RIN3: variants seen among roughly 807,000 people sequenced by gnomAD.
RIN3 encodes the protein Ras and Rab interactor 3, also known as RAB5 interacting protein 3.
Under a neutral mutation model 76.3 loss-of-function variants are expected in RIN3, and 54 were observed. The ratio of observed to expected loss-of-function variants is 0.71; its 90% CI spans 0.57 to 0.89. The LOEUF (loss-of-function observed/expected upper bound fraction) is 0.89, where lower values mean the gene tolerates loss of function less well. RIN3 is among the 40% of genes least tolerant of loss of function. The pLI, the probability that RIN3 is intolerant of heterozygous loss-of-function variation, is 0.00. For synonymous variants in RIN3, 576 were observed against 564.0 expected (o/e 1.02, Z -0.30); for missense variants, 1,256 against 1,322.1 (o/e 0.95, Z 0.78).
intron 2 of RIN3, chr14:92,576,156 A>G: frequency 8.7e-7 from 1 of 1,155,964 alleles, no homozygotes; most frequent in Non-Finnish European, 1.1e-6. Context: ...GCTGTGCCAC[A>G]GGAGGCTGGG....
intron 1 of RIN3, among the ~76,000 whole-genome samples, chr14:92,536,277 G>A (rs545155428): frequency 2.6e-5 from 4 of 152,250 alleles, no homozygotes; most frequent in East Asian, 3.9e-4. Flanking sequence ...GCTGTAGACC[G>A]TTTGTGTAGA....
At chr14:92,537,733 C>G (rs547884297) in intron 1 of RIN3, among the ~76,000 whole-genome samples, 3 of 150,514 alleles carry the variant, frequency 2.0e-5, no homozygotes, top group African/African-American at 4.9e-5. Context: ...CAGCCTCTGC[C>G]CCCCCGCCAC....
intron 6 of RIN3, 139 bp from the exon 7 acceptor site, chr14:92,659,022 C>A: frequency 1.3e-6 from 1 of 785,282 alleles, no homozygotes; most frequent in Non-Finnish European, 2.1e-6. Context: ...GTGTCAGAAC[C>A]ACAGGGTATA....
chr14:92,582,471 G>A (rs1422736123), intron 3 of RIN3, among the ~76,000 whole-genome samples: 2 of 116,886 alleles, frequency 1.7e-5, no homozygotes, highest in African/African-American at 6.0e-5. Flanking sequence ...TCCCTGAGAT[G>A]GAGTCTTGCT....
intron 1 of RIN3, among the ~76,000 whole-genome samples, chr14:92,547,135 G>A (rs372072109): frequency 0.07 from 1,973 of 28,238 alleles, 220 homozygotes; most frequent in East Asian, 0.084. Flanking sequence ...TTATTATAAA[G>A]TAAATTATCT....
At chr14:92,661,760 A>ACACACACGCACACACACAC (rs1419895576) in intron 7 of RIN3, among the ~76,000 whole-genome samples, 1 of 127,976 alleles carries the variant, frequency 7.8e-6, no homozygotes, top group Non-Finnish European at 1.6e-5. Context: ...CACACACACA[A>ACACACACGCACACACACAC]AAAATAGAAT....
Position 92,643,532 on chromosome 14 carries a change from T to C in RIN3, c.532+2203T>C, listed in dbSNP as rs1019039735. 2.4e-4 allele frequency among the ~76,000 whole-genome samples: 36 copies of C among 152,224 alleles called. No individual in the cohort carries two copies. The highest frequency in any genetic ancestry group is 7.5e-4 in the African/African-American group (31 of 41,444). ...GTGGGACAGGTGACAGTTTTGTAAT[T>C]TGCACTTTTGTAAGGTGCAGATGAC... On this transcript the variant is annotated intron_variant, in intron 5 of 9. Transcript: ENST00000216487. This position sits in a 1 kb window ranked among gnomAD's most constrained non-coding sequence, Gnocchi z 4.8.
At chr14:92,545,483 C>T (rs534903230) in intron 1 of RIN3, among the ~76,000 whole-genome samples, 1 of 152,066 alleles carries the variant, frequency 6.6e-6, no homozygotes, top group African/African-American at 2.4e-5. Flanking sequence ...CTTGTTGGTA[C>T]ACTCCTTTCG....
At chr14:92,543,733 C>T (rs1163387506) in intron 1 of RIN3, among the ~76,000 whole-genome samples, 1 of 151,546 alleles carries the variant, frequency 6.6e-6, no homozygotes, top group East Asian at 1.9e-4. Context: ...CAGGTGCCCG[C>T]CACCACACCC....
chr14:92,532,698 G>A (rs1303127002), intron 1 of RIN3, among the ~76,000 whole-genome samples: 5 of 152,146 alleles, frequency 3.3e-5, no homozygotes, highest in African/African-American at 7.2e-5. Flanking sequence ...CGGGGGTCAC[G>A]GGGCCACGGT....
In RIN3 at chr14:92,563,205, G is replaced by GA. The variant is rs1250936433; in HGVS notation, c.249+7257dup. Among the ~76,000 whole-genome samples, 9 of 152,064 alleles carry GA rather than the reference G, an allele frequency of 5.9e-5. No individual in the cohort carries two copies. The East Asian group carries it at 1.7e-3, about 30-fold the overall frequency. ...TAAAACCTCATATCTGCTAAAAATAGAAAAAAATAGCCAGGAGTAGTGGCA... is the reference window on the plus strand; with the variant it reads ...TAAAACCTCATATCTGCTAAAAATAGAAAAAAAATAGCCAGGAGTAGTGGCA... On this transcript the variant is annotated intron_variant, in intron 2 of 9. Transcript: ENST00000216487.
chr14:92,603,046 A>G (rs1029529724), intron 3 of RIN3, among the ~76,000 whole-genome samples: 1 of 152,108 alleles, frequency 6.6e-6, no homozygotes, highest in Non-Finnish European at 1.5e-5. Context: ...CAAACTCACT[A>G]TGCCCTACTC....
intron 1 of RIN3, among the ~76,000 whole-genome samples, chr14:92,522,001 A>C (rs1896610559): frequency 6.8e-6 from 1 of 146,954 alleles, no homozygotes; most frequent in South Asian, 2.3e-4. Flanking sequence ...GGAAAGGACA[A>C]GTTGTGTGTG....
intron 2 of RIN3, among the ~76,000 whole-genome samples, chr14:92,572,403 G>A (rs1898086188): frequency 6.6e-6 from 1 of 152,246 alleles, no homozygotes; most frequent in South Asian, 2.1e-4. Flanking sequence ...GGCACAGTTT[G>A]TGAGATGTAA....
chr14:92,582,936 GAC>G (rs527927615), intron 3 of RIN3, among the ~76,000 whole-genome samples: 26 of 152,310 alleles, frequency 1.7e-4, no homozygotes, highest in African/African-American at 6.0e-4. Flanking sequence ...CAGCAGTTGA[GAC>G]AGACCATGGA....
In RIN3 at chr14:92,568,950, G is replaced by A. The variant is rs1897988805; in HGVS notation, c.250-8410G>A. On this transcript the variant is annotated intron_variant, in intron 2 of 9. Coordinates refer to ENST00000216487, the MANE Select transcript of RIN3 (RefSeq NM_024832.5). The surrounding 1 kb of genome is among the most constrained non-coding windows in gnomAD (Gnocchi z 4.2). ...AGATGCTTCACCATGTGGTGGGGAT[G>A]CCTGGCCCTAGTCCTGCTCTGGCAG... Among the ~76,000 whole-genome samples, 1 of 152,228 alleles carries A rather than the reference G, an allele frequency of 6.6e-6. No homozygotes were observed. The highest frequency in any genetic ancestry group is 2.4e-5 in the African/African-American group (1 of 41,462).
At chr14:92,601,575 A>AC (rs145290005) in intron 3 of RIN3, among the ~76,000 whole-genome samples, 7,727 of 152,076 alleles carry the variant, frequency 0.051, 669 homozygotes, top group African/African-American at 0.18. Context: ...CCAAGGTGTT[A>AC]CCCACCTCCC....
chr14:92,673,986 T>C (rs1888375733), intron 7 of RIN3, among the ~76,000 whole-genome samples: 1 of 152,218 alleles, frequency 6.6e-6, no homozygotes, highest in Admixed American at 6.5e-5. Context: ...TTCTTGAGTG[T>C]AGTGCGTTTG....
intron 5 of RIN3, chr14:92,651,108 G>A (rs1308822439): frequency 1.9e-5 from 3 of 161,480 alleles, no homozygotes; most frequent in Non-Finnish European, 2.7e-5. Flanking sequence ...GTGTACTGTT[G>A]TGACCCCATT....
Sources: allele counts gnomAD v4.1 joint callset (sites outside exome capture counted in the v4.1 genomes callset), GRCh38; gene constraint gnomAD v4.1.1; non-coding constraint Gnocchi (gnomAD v3.1); transcripts MANE v1.5; gene names NCBI Gene and HGNC (gene_info 2026-07-23, HGNC 2026-07-21).